Variants in HYKK observed in about 807,000 individuals in gnomAD.
The protein encoded by HYKK is 5-hydroxy-L-lysine kinase.
A neutral mutation model predicts 29.7 loss-of-function variants in HYKK; 19 were observed. That is an observed-to-expected ratio of 0.64 (90% CI 0.45 to 0.94). The LOEUF (loss-of-function observed/expected upper bound fraction) is 0.94. HYKK is among the 40% of genes least tolerant of loss of function. The pLI is 0.00. For missense variants in HYKK, 390 were observed against 443.4 expected (o/e 0.88, Z 1.08); for synonymous variants, 152 against 158.1 (o/e 0.96, Z 0.29).
Position 78,533,266 on chromosome 15 carries a change from G to C in HYKK, c.718G>C (p.Ala240Pro), listed in dbSNP as rs767707878. 1.2e-6 allele frequency: 2 copies of C among 1,613,910 alleles called. No homozygotes were observed. Among genetic ancestry groups the C allele is most frequent in the Admixed American group, 1.7e-5 (1 of 60,032 alleles). The change falls in exon 5 of 5, where the codon GCC (alanine) becomes CCC (proline). Residue 240 changes from alanine (A) to proline (P), a missense_variant. Physicochemically the swap from Ala to Pro is conservative, Grantham distance 27. Coordinates refer to ENST00000388988, the MANE Select transcript of HYKK (RefSeq NM_001013619.4). ...TATTTTAATAGAGTCCAGCAAGTCAGCCTCTGGAAATGCTGAATATCAAGT... is the reference window on the plus strand; with the variant it reads ...TATTTTAATAGAGTCCAGCAAGTCACCCTCTGGAAATGCTGAATATCAAGT... ...HNILIESSKS[A>P]SGNAEYQVSG...
chr15:78,525,329 G>T (rs1273208364), intron 3 of HYKK, among the ~76,000 whole-genome samples: 1 of 151,044 alleles, frequency 6.6e-6, no homozygotes, highest in Admixed American at 6.6e-5. Context: ...CTGATTTTTT[G>T]TATTTTTTAG....
intron 3 of HYKK, among the ~76,000 whole-genome samples, chr15:78,519,767 A>C (rs1449561169): frequency 2.2e-4 from 33 of 152,184 alleles, no homozygotes; most frequent in Admixed American, 2.2e-3. Flanking sequence ...TCTCAAAAAA[A>C]ACAAAAACAA....
chr15:78,520,653 C>T (rs1316537826), intron 3 of HYKK, among the ~76,000 whole-genome samples: 2 of 152,196 alleles, frequency 1.3e-5, no homozygotes, highest in East Asian at 1.9e-4. Flanking sequence ...TACACAGACA[C>T]GGCAACCATC....
At chr15:78,530,189 A>ATTAT (rs201121645) in intron 4 of HYKK, among the ~76,000 whole-genome samples, 2 of 101,514 alleles carry the variant, frequency 2.0e-5, no homozygotes, top group African/African-American at 4.0e-5. Context: ...AAATTCAACC[A>ATTAT]TTATTTATTT....
chr15:78,530,196 A>ATTTTTTTTT (rs1188496440), intron 4 of HYKK, among the ~76,000 whole-genome samples: 1 of 65,772 alleles, frequency 1.5e-5, no homozygotes, highest in African/African-American at 4.9e-5. Flanking sequence ...ACCATTATTT[A>ATTTTTTTTT]TTTATTTTTT....
chr15:78,523,288 T>C (rs1193683598), intron 3 of HYKK, among the ~76,000 whole-genome samples: 3 of 152,096 alleles, frequency 2.0e-5, no homozygotes, highest in African/African-American at 7.2e-5. Flanking sequence ...GTGTCTTAAA[T>C]GGCAGGGGCA....
At chr15:78,532,124 A>G (rs1406536686) in intron 4 of HYKK, among the ~76,000 whole-genome samples, 1 of 152,184 alleles carries the variant, frequency 6.6e-6, no homozygotes, top group Non-Finnish European at 1.5e-5. Context: ...TGCTTCTTAG[A>G]CTATCTATGG....
In HYKK at chr15:78,533,473, G is replaced by T; in HGVS notation, c.925G>T (p.Val309Leu). The T allele has an allele frequency of 1.2e-6, 2 of 1,614,180 alleles. No individual in the cohort carries two copies. Among genetic ancestry groups the T allele is most frequent in the Non-Finnish European group, 1.7e-6 (2 of 1,180,030 alleles). The change falls in exon 5 of 5, where the codon GTA becomes TTA. Residue 309 changes from valine (V) to leucine (L), a missense_variant. Val to Leu is a conservative substitution (Grantham distance 32). Coordinates refer to ENST00000388988, the MANE Select transcript of HYKK (RefSeq NM_001013619.4). The stretch of plus-strand genomic sequence containing the variant: ...AGAGAAGGGTGCTTTGTTTTTACTT[G>T]TATGCAGTCGTTTTTGTCAGTCACT... ...AVEKGALFLL[V>L]CSRFCQSLVM...
chr15:78,518,333 C>T (rs961988345), intron 3 of HYKK, among the ~76,000 whole-genome samples: 3 of 152,002 alleles, frequency 2.0e-5, no homozygotes, highest in South Asian at 2.1e-4. Flanking sequence ...CACCACCGCC[C>T]GGCTAATTTT....
intron 1 of HYKK, among the ~76,000 whole-genome samples, chr15:78,512,260 T>C (rs2052080343): frequency 6.6e-6 from 1 of 152,204 alleles, no homozygotes; most frequent in Admixed American, 6.5e-5. Flanking sequence ...GATCTTATAA[T>C]TTAACCAAAC....
intron 3 of HYKK, chr15:78,518,644 G>A (rs751055762): frequency 2.4e-5 from 11 of 453,954 alleles, no homozygotes; most frequent in South Asian, 4.7e-5. Context: ...CAGGCCGGGC[G>A]CAGTAGCTTA....
At chr15:78,522,420 G>A (rs2052206120) in intron 3 of HYKK, among the ~76,000 whole-genome samples, 1 of 151,810 alleles carries the variant, frequency 6.6e-6, no homozygotes, top group Non-Finnish European at 1.5e-5. Flanking sequence ...TTAGCTGGGT[G>A]TGGTGGTGTG....
intron 3 of HYKK, among the ~76,000 whole-genome samples, chr15:78,523,284 T>C (rs959454358): frequency 7.2e-5 from 11 of 152,202 alleles, no homozygotes; most frequent in Non-Finnish European, 1.3e-4. Context: ...GCAGGTGTCT[T>C]AAATGGCAGG....
intron 3 of HYKK, among the ~76,000 whole-genome samples, chr15:78,520,483 A>G (rs1020537824): frequency 1.3e-5 from 2 of 152,180 alleles, no homozygotes; most frequent in African/African-American, 4.8e-5. Flanking sequence ...AAGAAAGCAC[A>G]TCTTGCACCG....
rs769345197 is a variant in HYKK at position 78,533,481 on chromosome 15, T to C, written c.933T>C (p.Ser311=). Residue 311 remains serine (S), a synonymous_variant, in exon 5 of 5, where the codon AGT becomes AGC. Transcript: ENST00000388988. ...EKGALFLLVC[S]RFCQSLVMAA... is the part of the protein sequence containing the mutation. ...GTGCTTTGTTTTTACTTGTATGCAG[T>C]CGTTTTTGTCAGTCACTTGTCATGG... 3 of 1,614,232 alleles carry C rather than the reference T, an allele frequency of 1.9e-6. No individual in the cohort carries two copies. Among genetic ancestry groups the C allele is most frequent in the Non-Finnish European group, 2.5e-6 (3 of 1,180,036 alleles).
intron 1 of HYKK, among the ~76,000 whole-genome samples, chr15:78,508,473 T>C (rs1367754194): frequency 6.6e-6 from 1 of 152,192 alleles, no homozygotes; most frequent in Non-Finnish European, 1.5e-5. Context: ...TTGTCTGGTA[T>C]ACTTTGCACA....
intron 3 of HYKK, chr15:78,518,554 G>A (rs929897336): frequency 1.1e-5 from 5 of 455,660 alleles, no homozygotes; most frequent in East Asian, 7.0e-5. Context: ...AGTGTTTAAC[G>A]TATTTTGTCC....
rs1319472615 is a variant in HYKK, at chr15:78,535,634, T to C, written c.*1964T>C. ...GGAGTAATTTTTTGCTTGCCTCTCT[T>C]ATATTCAGTGAGCCCTACTGGTTTT... On this transcript the variant is annotated 3_prime_UTR_variant, in exon 5 of 5. Transcript: ENST00000388988. The C allele has an allele frequency of 6.6e-6, 1 of 152,216 alleles. No homozygotes were observed. The highest frequency in any genetic ancestry group is 2.4e-5 in the African/African-American group (1 of 41,464). The allele number at this position is 152,216 out of a possible 1,614,324, so 9.4% of individuals were successfully genotyped here.
At position 78,527,491 on chromosome 15, in the gene HYKK, C is replaced by T. The variant is rs781696892; in HGVS notation, c.589C>T (p.Arg197Ter). The T allele has an allele frequency of 2.4e-5, 38 of 1,613,874 alleles. No individual in the cohort carries two copies. The highest frequency in any genetic ancestry group is 3.3e-5 in the South Asian group (3 of 91,074). Reference sequence around the variant, plus strand: ...GTATGCCCTGGGCCAGAATCGAAACCGAGAGATTGTTGAGCATGTCATTCA... The same window carrying T: ...GTATGCCCTGGGCCAGAATCGAAACTGAGAGATTGTTGAGCATGTCATTCA... ...YLYALGQNRN[R>*]EIVEHVIHLF... Residue 197 changes from arginine to a stop codon, truncating the protein, a stop_gained, in exon 4 of 5, where the codon CGA (arginine) becomes TGA (stop). Coordinates refer to ENST00000388988, the MANE Select transcript of HYKK (RefSeq NM_001013619.4). LOFTEE classifies it high-confidence loss of function.
Sources: gnomAD v4.1 joint callset for allele counts (sites outside exome capture counted in the v4.1 genomes callset) on GRCh38, gnomAD v4.1.1 for gene constraint, MANE v1.5 for transcripts, NCBI Gene and HGNC (gene_info 2026-07-23, HGNC 2026-07-21) for gene names.